Variants in LSM7 observed in about 807,000 individuals in gnomAD.
LSM7 encodes the protein U6 snRNA-associated Sm-like protein LSm7.
Under a neutral mutation model 14.1 loss-of-function variants are expected in LSM7, and 13 were observed. The observed-to-expected ratio is 0.92, with a 90% CI of 0.60 to 1.47. The LOEUF is 1.47. Ranked by LOEUF, LSM7 falls within the 40% of genes most tolerant of loss-of-function variation. The pLI is 0.00. For missense variants in LSM7, 108 were observed against 140.8 expected (o/e 0.77, Z 1.18); for synonymous variants, 70 against 57.1 (o/e 1.23, Z -1.02).
chr19:2,325,922 C>T (rs1235285097), intron 2 of LSM7: 3 of 152,508 alleles, frequency 2.0e-5, no homozygotes, highest in East Asian at 3.9e-4. Context: ...CTTCAGCTTC[C>T]ACCTCCACGG....
intron 3 of LSM7, among the ~76,000 whole-genome samples, chr19:2,323,691 A>G (rs1967970745): frequency 6.6e-6 from 1 of 152,154 alleles, no homozygotes; most frequent in African/African-American, 2.4e-5. Context: ...ACCTCAAGAG[A>G]TCCTCCTGCC....
intron 2 of LSM7, among the ~76,000 whole-genome samples, chr19:2,326,628 G>A (rs1030682959): frequency 2.0e-5 from 3 of 152,086 alleles, no homozygotes; most frequent in Non-Finnish European, 4.4e-5. Context: ...GAGCCACAGC[G>A]CCCAGTTAAT....
intron 2 of LSM7, 59 bp downstream of exon 2, chr19:2,328,328 G>A (rs1229196281): frequency 6.9e-7 from 1 of 1,438,972 alleles, no homozygotes; most frequent in Non-Finnish European, 9.7e-7. Flanking sequence ...CATCATCTCT[G>A]TTGCTGGGTT....
At chr19:2,326,312 T>TGTGTGTGTGTG (rs1968015474) in intron 2 of LSM7, among the ~76,000 whole-genome samples, 21 of 129,780 alleles carry the variant, frequency 1.6e-4, no homozygotes, top group South Asian at 1.0e-3. Flanking sequence ...TTTCTGCTTT[T>TGTGTGTGTGTG]TGTGTGTGTG....
intron 3 of LSM7, among the ~76,000 whole-genome samples, chr19:2,323,643 G>C (rs1055809142): frequency 2.0e-5 from 3 of 152,108 alleles, no homozygotes; most frequent in African/African-American, 7.2e-5. Context: ...GCGGAGACGG[G>C]GTTTCACCAT....
rs1249047088 is a variant in LSM7, at chr19:2,321,991, G to A, written c.170-169C>T. On this transcript the variant is annotated intron_variant, in intron 3 of 3. Transcript: ENST00000252622. The surrounding 1 kb of genome is among the most constrained non-coding windows in gnomAD (Gnocchi z 5.0). The stretch of plus-strand genomic sequence containing the variant: ...TGTGGGGCAGGTCCCCGGCTCCCAC[G>A]GCTGAGACCCATGGCCCCTAGAGAC... 6.6e-6 allele frequency among the ~76,000 whole-genome samples: 1 copy of A among 150,944 alleles called. No individual in the cohort carries two copies. The highest frequency in any genetic ancestry group is 1.5e-5 in the Non-Finnish European group (1 of 67,712).
intron 2 of LSM7, 35 bp from the exon 3 acceptor site, chr19:2,324,231 G>T: frequency 1.3e-6 from 2 of 1,496,614 alleles, no homozygotes; most frequent in Non-Finnish European, 1.8e-6. Context: ...AAAAGAGAAG[G>T]CATGAGATCC....
rs1967941132 is a variant in LSM7 at position 2,321,965 on chromosome 19, C to A, written c.170-143G>T. 6 of 740,524 alleles carry A rather than the reference C, an allele frequency of 8.1e-6. No homozygotes were observed. The highest frequency in any genetic ancestry group is 1.1e-5 in the Non-Finnish European group (6 of 521,958). 45.9% of individuals were successfully genotyped at this position (740,524 alleles called of 1,614,324 possible). A position where few individuals can be genotyped will look rare whatever the true frequency, so the allele number is the denominator to read the frequency against. On this transcript the variant is annotated intron_variant, in intron 3 of 3. Coordinates refer to ENST00000252622, the MANE Select transcript of LSM7 (RefSeq NM_016199.3). This position sits in a 1 kb window ranked among gnomAD's most constrained non-coding sequence, Gnocchi z 5.0. ...GCAGGGACCTCAGACGGGATGCGCT[C>A]TGTGGGGCAGGTCCCCGGCTCCCAC...
At chr19:2,323,501 AGT>A (rs1967965287) in intron 3 of LSM7, among the ~76,000 whole-genome samples, 2 of 152,170 alleles carry the variant, frequency 1.3e-5, no homozygotes, top group Non-Finnish European at 2.9e-5. Flanking sequence ...CTCAGGCTGG[AGT>A]GCAGTTGCAC....
intron 3 of LSM7, among the ~76,000 whole-genome samples, chr19:2,323,287 C>A (rs973024941): frequency 6.6e-6 from 1 of 152,162 alleles, no homozygotes; most frequent in Non-Finnish European, 1.5e-5. Flanking sequence ...AGAGGAAAGG[C>A]GCCCGAGAGG....
chr19:2,326,358 T>TGTC (rs1334972967), intron 2 of LSM7, among the ~76,000 whole-genome samples: 5 of 68,334 alleles, frequency 7.3e-5, no homozygotes, highest in Admixed American at 1.5e-4. Context: ...GTGTGTGTGT[T>TGTC]TGAGATGGAG....
chr19:2,326,849 T>C (rs903586335), intron 2 of LSM7, among the ~76,000 whole-genome samples: 2 of 152,202 alleles, frequency 1.3e-5, no homozygotes, highest in Non-Finnish European at 2.9e-5. Flanking sequence ...CCTGCAGCAC[T>C]GTAGGGGCAG....
chr19:2,324,263 C>G, intron 2 of LSM7, 67 bp from the exon 3 acceptor site: 1 of 1,241,858 alleles, frequency 8.1e-7, no homozygotes, highest in Admixed American at 2.0e-5. Flanking sequence ...AGGGCCCGCC[C>G]CAGCATGGCC....
intron 2 of LSM7, among the ~76,000 whole-genome samples, chr19:2,327,000 AGAC>A (rs1356252682): frequency 6.6e-6 from 1 of 152,228 alleles, no homozygotes; most frequent in African/African-American, 2.4e-5. Context: ...GCTCAGAAGA[AGAC>A]CCCAAGATGA....
intron 2 of LSM7, among the ~76,000 whole-genome samples, chr19:2,326,415 C>CACTGCA (rs1968019798): frequency 6.6e-6 from 1 of 151,702 alleles, no homozygotes; most frequent in East Asian, 1.9e-4. Context: ...GATCTCAGCT[C>CACTGCA]ACTGCAACCT....
chr19:2,324,351 C>T (rs1967982853), intron 2 of LSM7, 155 bp from the exon 3 acceptor site: 1 of 632,462 alleles, frequency 1.6e-6, no homozygotes, highest in Admixed American at 2.4e-5. Context: ...ATGACAGCCG[C>T]CTCCAGAGTG....
intron 2 of LSM7, among the ~76,000 whole-genome samples, chr19:2,327,380 C>A (rs1362050394): frequency 2.0e-5 from 3 of 151,944 alleles, no homozygotes; most frequent in Non-Finnish European, 2.9e-5. Context: ...GTAGCTGGGA[C>A]TACAAGCGTG....
At chr19:2,322,600 C>G (rs1406437986) in intron 3 of LSM7, among the ~76,000 whole-genome samples, 1 of 152,100 alleles carries the variant, frequency 6.6e-6, no homozygotes, top group Non-Finnish European at 1.5e-5. Flanking sequence ...GGCTGGCACC[C>G]CAGGGAAGTG....
Position 2,326,312 on chromosome 19 carries a change from T to TTGTGTGTGTGTGTGTG in LSM7, c.97+2059_97+2074dup, listed in dbSNP as rs145468909. The stretch of plus-strand genomic sequence containing the variant: ...TCAGGGACCAAACCCTTTCTGCTTT[T>TTGTGTGTGTGTGTGTG]TGTGTGTGTGTGTGTGTGTGTGTGT... On this transcript the variant is annotated intron_variant, in intron 2 of 3. Transcript: ENST00000252622. 2.4e-3 allele frequency among the ~76,000 whole-genome samples: 309 copies of TTGTGTGTGTGTGTGTG among 129,764 alleles called. 2 individuals carry two copies. The highest frequency in any genetic ancestry group is 4.8e-3 in the African/African-American group (170 of 35,434). The allele number at this position is 129,764 out of a possible 152,430, so 85.1% of individuals were successfully genotyped here. A position where few individuals can be genotyped will look rare whatever the true frequency, so the allele number is the denominator to read the frequency against.
Sources: allele counts gnomAD v4.1 joint callset (sites outside exome capture counted in the v4.1 genomes callset), GRCh38; gene constraint gnomAD v4.1.1; non-coding constraint Gnocchi (gnomAD v3.1); transcripts MANE v1.5; gene names NCBI Gene and HGNC (gene_info 2026-07-23, HGNC 2026-07-21).